Variants in DESI1 observed in about 807,000 individuals in gnomAD.
DESI1 encodes desumoylating isopeptidase 1.
Under a neutral mutation model 22.4 loss-of-function variants are expected in DESI1, and 17 were observed. The observed-to-expected ratio is 0.76, with a 90% confidence interval of 0.52 to 1.14. The LOEUF (loss-of-function observed/expected upper bound fraction) is 1.14. Ranked by LOEUF, DESI1 falls within the 50% of genes most tolerant of loss-of-function variation. The probability of loss-of-function intolerance (pLI) is 0.00; values close to 1 mark genes in which losing one functional copy is unlikely to be tolerated. For synonymous variants in DESI1, 92 were observed against 84.2 expected (o/e 1.09, Z -0.51); for missense variants, 177 against 208.9 (o/e 0.85, Z 0.94).
intron 1 of DESI1, among the ~76,000 whole-genome samples, chr22:41,609,778 G>C (rs1213228289): frequency 7.0e-6 from 1 of 143,014 alleles, no homozygotes; most frequent in African/African-American, 2.6e-5. Context: ...AACAGAGTGA[G>C]ACCCTGTCTC....
Position 41,601,074 on chromosome 22 carries a change from C to A in DESI1, c.*23G>T, listed in dbSNP as rs767646881. 2.3e-5 allele frequency: 37 copies of A among 1,601,954 alleles called. No homozygotes were observed. Among genetic ancestry groups the A allele is most frequent in the Non-Finnish European group, 3.2e-5 (37 of 1,170,804 alleles). On this transcript the variant is annotated 3_prime_UTR_variant, in exon 6 of 6. Transcript: ENST00000263256. ...TTAAAAAGGAAAAGCCCTGGTGAGGCAGGGCGGTCCCAGGCAGTCCTGTTA... is the reference window on the plus strand; with the variant it reads ...TTAAAAAGGAAAAGCCCTGGTGAGGAAGGGCGGTCCCAGGCAGTCCTGTTA...
At chr22:41,604,250 CTTTTTTTTTT>C (rs1264626626) in intron 3 of DESI1, 97 bp from the exon 4 acceptor site, 4 of 283,878 alleles carry the variant, frequency 1.4e-5, no homozygotes, top group East Asian at 1.6e-4. Flanking sequence ...TCTGTTCTGA[CTTTTTTTTTT>C]TTTTTTTTTT....
intron 3 of DESI1, among the ~76,000 whole-genome samples, chr22:41,606,398 A>G (rs1414904367): frequency 6.6e-6 from 1 of 152,074 alleles, no homozygotes; most frequent in Non-Finnish European, 1.5e-5. Context: ...TAGCAAAAAC[A>G]AACAAACACA....
chr22:41,614,602 T>TTTTTTTTTTTA (rs1569070870), intron 1 of DESI1, among the ~76,000 whole-genome samples: 2 of 145,828 alleles, frequency 1.4e-5, no homozygotes, highest in African/African-American at 5.1e-5. Context: ...TTTTTTTTTT[T>TTTTTTTTTTTA]GAGATGGAGT....
chr22:41,607,786 A>G (rs2067491797), intron 2 of DESI1, 54 bp downstream of exon 2: 1 of 1,603,988 alleles, frequency 6.2e-7, no homozygotes, highest in Non-Finnish European at 8.5e-7. Flanking sequence ...TGAAATGCAT[A>G]GAGTGCTGCC....
At chr22:41,604,249 A>AT in intron 3 of DESI1, 96 bp from the exon 4 acceptor site, 1 of 496,612 alleles carries the variant, frequency 2.0e-6, no homozygotes, top group Non-Finnish European at 3.1e-6. Context: ...CTCTGTTCTG[A>AT]CTTTTTTTTT....
chr22:41,610,829 C>T (rs530011905), intron 1 of DESI1, among the ~76,000 whole-genome samples: 2 of 150,680 alleles, frequency 1.3e-5, no homozygotes, highest in South Asian at 2.1e-4. Flanking sequence ...GCTGAGATGG[C>T]GCCATTGTAC....
At position 41,600,660 on chromosome 22, in the gene DESI1, A is replaced by G. The variant is rs538602596; in HGVS notation, c.*437T>C. 35 of 173,014 alleles carry G rather than the reference A, an allele frequency of 2.0e-4. No homozygotes were observed. The South Asian group carries it at 3.9e-3, about 19-fold the overall frequency. The allele number at this position is 173,014 out of a possible 1,614,324, so 10.7% of individuals were successfully genotyped here. A position where few individuals can be genotyped will look rare whatever the true frequency, so the allele number is the denominator to read the frequency against. ...CAAATCCTTTGGTTCATTTAACACT[A>G]GAGTAACTTTCTGGGTCACGGATGT... is the stretch of plus-strand genomic sequence containing the variant. On this transcript the variant is annotated 3_prime_UTR_variant, in exon 6 of 6. Transcript: ENST00000263256.
intron 5 of DESI1, chr22:41,603,006 C>T (rs1219616047): frequency 3.3e-6 from 2 of 614,010 alleles, no homozygotes; most frequent in East Asian, 7.1e-5. Context: ...AGTACTGAAG[C>T]CAGTGTCAAG....
intron 1 of DESI1, among the ~76,000 whole-genome samples, chr22:41,618,564 G>A (rs1051060357): frequency 6.6e-6 from 1 of 152,118 alleles, no homozygotes; most frequent in African/African-American, 2.4e-5. Context: ...CTAGCATAGA[G>A]CAGACGCTCA....
At chr22:41,619,954 G>A (rs1293620873) in intron 1 of DESI1, among the ~76,000 whole-genome samples, 1 of 152,196 alleles carries the variant, frequency 6.6e-6, no homozygotes, top group African/African-American at 2.4e-5. Flanking sequence ...CTGTATTTAA[G>A]TTGAAATAAG....
At chr22:41,613,458 C>T (rs191012316) in intron 1 of DESI1, among the ~76,000 whole-genome samples, 4 of 152,338 alleles carry the variant, frequency 2.6e-5, no homozygotes, top group Admixed American at 6.5e-5. Context: ...AAACTATTCA[C>T]GTGTCCTTCT....
chr22:41,606,072 G>C (rs2067478167), intron 3 of DESI1, among the ~76,000 whole-genome samples: 1 of 152,160 alleles, frequency 6.6e-6, no homozygotes, highest in Non-Finnish European at 1.5e-5. Context: ...GTAGGTCCTG[G>C]GAGGCCATGC....
intron 1 of DESI1, among the ~76,000 whole-genome samples, chr22:41,614,790 G>T (rs1485256118): frequency 1.3e-5 from 2 of 151,198 alleles, no homozygotes; most frequent in Admixed American, 6.6e-5. Context: ...TCACTATCTT[G>T]GCCAGGCTGG....
Position 41,621,029 on chromosome 22 carries a change from T to A in DESI1, c.-190A>T. 1 of 606,034 alleles carries A rather than the reference T, an allele frequency of 1.7e-6. No individual in the cohort carries two copies. Among genetic ancestry groups the A allele is most frequent in the Non-Finnish European group, 2.8e-6 (1 of 351,142 alleles). 37.5% of individuals were successfully genotyped at this position (606,034 alleles called of 1,614,324 possible). A position where few individuals can be genotyped will look rare whatever the true frequency, so the allele number is the denominator to read the frequency against. On this transcript the variant is annotated 5_prime_UTR_variant, in exon 1 of 6. Coordinates refer to ENST00000263256, the MANE Select transcript of DESI1 (RefSeq NM_015704.3). ...CACCCGCTACCGGCAACGACTACTG[T>A]GAGGTGACAGAGAGGGGACAGGGAG...
intron 3 of DESI1, among the ~76,000 whole-genome samples, chr22:41,604,658 C>G (rs924114991): frequency 6.6e-6 from 1 of 151,858 alleles, no homozygotes; most frequent in Non-Finnish European, 1.5e-5. Flanking sequence ...TTTGGCTTCC[C>G]TGAGGCACAC....
At chr22:41,615,981 G>A (rs1219007650) in intron 1 of DESI1, among the ~76,000 whole-genome samples, 1 of 152,160 alleles carries the variant, frequency 6.6e-6, no homozygotes, top group East Asian at 1.9e-4. Flanking sequence ...ACTTTGGGAG[G>A]GGGGTTTGTT....
chr22:41,601,227 G>T, intron 5 of DESI1, 37 bp from the exon 6 acceptor site: 1 of 1,568,874 alleles, frequency 6.4e-7, no homozygotes. Flanking sequence ...GGTGGGCTCT[G>T]GGATGTGGCC....
chr22:41,601,229 G>C (rs1360967919), intron 5 of DESI1, 39 bp from the exon 6 acceptor site: 2 of 1,560,134 alleles, frequency 1.3e-6, no homozygotes, highest in Admixed American at 3.8e-5. Flanking sequence ...TGGGCTCTGG[G>C]ATGTGGCCTG....
Sources: allele counts gnomAD v4.1 joint callset (sites outside exome capture counted in the v4.1 genomes callset), GRCh38; gene constraint gnomAD v4.1.1; transcripts MANE v1.5; gene names NCBI Gene and HGNC (gene_info 2026-07-23, HGNC 2026-07-21).